The following DCLRE1C variants were observed in gnomAD, a reference collection of about 807,000 sequenced individuals.
The protein encoded by DCLRE1C is DNA cross-link repair 1C.
A neutral mutation model predicts 61.4 loss-of-function variants in DCLRE1C; 47 were observed. That is an observed-to-expected ratio of 0.77 (90% confidence interval 0.61 to 0.98). DCLRE1C has a LOEUF of 0.98. DCLRE1C is among the 50% of genes least tolerant of loss of function. The pLI, the probability that DCLRE1C is intolerant of heterozygous loss-of-function variation, is 0.00. For synonymous variants in DCLRE1C, 337 were observed against 287.6 expected (o/e 1.17, Z -1.74); for missense variants, 858 against 816.0 (o/e 1.05, Z -0.63).
intron 5 of DCLRE1C, among the ~76,000 whole-genome samples, chr10:14,935,814 A>G (rs888551110): frequency 5.3e-5 from 8 of 152,196 alleles, no homozygotes; most frequent in Non-Finnish European, 1.0e-4. Flanking sequence ...AGCACTTTCA[A>G]TTATATGTTG....
At chr10:14,924,965 T>C (rs1263962361) in intron 11 of DCLRE1C, among the ~76,000 whole-genome samples, 7 of 152,022 alleles carry the variant, frequency 4.6e-5, no homozygotes, top group Non-Finnish European at 7.4e-5. Context: ...GAACCCAATG[T>C]AATTATTAGT....
chr10:14,897,953 A>G (rs1212800200), exon 14 of DCLRE1C: 1 of 152,384 alleles, frequency 6.6e-6, no homozygotes, highest in Non-Finnish European at 1.5e-5. Flanking sequence ...GAAAGATACT[A>G]TATTTATGAG....
At position 14,904,906 on chromosome 10, in the gene DCLRE1C, T is replaced by C. The variant is rs1428219700; in HGVS notation, c.*3502A>G. Among the ~76,000 whole-genome samples the C allele has an allele frequency of 6.6e-6, 1 of 152,236 alleles. No individual in the cohort carries two copies. Among genetic ancestry groups the C allele is most frequent in the Non-Finnish European group, 1.5e-5 (1 of 68,032 alleles). The stretch of plus-strand genomic sequence containing the variant: ...GATACCATCATTTTCAGGATCTACA[T>C]TAAGAGGATGGTGATACATAATTAG... On this transcript the variant is annotated 3_prime_UTR_variant, in exon 14 of 14. Transcript: ENST00000378278.
At chr10:14,918,551 G>A (rs1406890818) in intron 13 of DCLRE1C, among the ~76,000 whole-genome samples, 2 of 150,618 alleles carry the variant, frequency 1.3e-5, no homozygotes, top group Non-Finnish European at 1.5e-5. Context: ...TCAAGTATAT[G>A]CATATACAAA....
intron 11 of DCLRE1C, among the ~76,000 whole-genome samples, chr10:14,924,882 A>G (rs1325455515): frequency 6.6e-6 from 1 of 152,006 alleles, no homozygotes; most frequent in Admixed American, 6.6e-5. Flanking sequence ...AAAATTAAAA[A>G]AAAAATCATC....
At chr10:14,915,903 A>C (rs915930505) in intron 13 of DCLRE1C, among the ~76,000 whole-genome samples, 2 of 152,222 alleles carry the variant, frequency 1.3e-5, no homozygotes, top group Non-Finnish European at 2.9e-5. Flanking sequence ...AAAAAGGATA[A>C]TATGCCATGA....
rs1833838316 is a variant in DCLRE1C at position 14,899,419 on chromosome 10, A to G, written c.1157-107T>C. 6 of 1,070,204 alleles carry G rather than the reference A, an allele frequency of 5.6e-6. No homozygotes were observed. The Admixed American group carries it at 1.4e-4, about 25-fold the overall frequency. 66.3% of individuals were successfully genotyped at this position (1,070,204 alleles called of 1,614,324 possible). A position where few individuals can be genotyped will look rare whatever the true frequency, so the allele number is the denominator to read the frequency against. On this transcript the variant is annotated intron_variant, in intron 13 of 13. Coordinates refer to the DCLRE1C transcript ENST00000378289. ...TTAGTTTGTGTGAATGTTTGCTTTG[A>G]TGACACCTGAATTTCTTACTTTTTA...
intron 1 of DCLRE1C, among the ~76,000 whole-genome samples, chr10:14,951,392 A>T (rs1842442066): frequency 8.0e-5 from 3 of 37,436 alleles, no homozygotes; most frequent in African/African-American, 4.0e-4. Flanking sequence ...CCTGTCTCAA[A>T]AAAAAAAAAA....
At chr10:14,929,125 C>T (rs968441876) in intron 9 of DCLRE1C, among the ~76,000 whole-genome samples, 2 of 152,114 alleles carry the variant, frequency 1.3e-5, no homozygotes, top group African/African-American at 4.8e-5. Context: ...GTTTTCAGGG[C>T]CGGTTGTGGT....
In DCLRE1C at chr10:14,905,367, G is replaced by C. The variant is rs978356135; in HGVS notation, c.*3041C>G. ...CTCACCAGGTACGTAAACATACTAT[G>C]GTAAGTACTGCCTAGAAATGCAAAG... On this transcript the variant is annotated 3_prime_UTR_variant, in exon 14 of 14. Coordinates refer to ENST00000378278, the MANE Select transcript of DCLRE1C (RefSeq NM_001033855.3). Among the ~76,000 whole-genome samples, 1 of 152,176 alleles carries C rather than the reference G, an allele frequency of 6.6e-6. No individual in the cohort carries two copies. Among genetic ancestry groups the C allele is most frequent in the Non-Finnish European group, 1.5e-5 (1 of 68,036 alleles).
chr10:14,948,551 AAAGTT>A (rs1258356100), intron 2 of DCLRE1C, among the ~76,000 whole-genome samples: 2 of 152,260 alleles, frequency 1.3e-5, no homozygotes, highest in East Asian at 3.9e-4. Flanking sequence ...ACACAAATAC[AAAGTT>A]AAGTAAAGTA....
downstream of DCLRE1C, chr10:14,903,488 A>T (rs1834157110): frequency 6.6e-6 from 1 of 152,208 alleles, no homozygotes; most frequent in Admixed American, 6.5e-5. Flanking sequence ...TAATATTTTT[A>T]TACTTCCTGC....
Position 14,908,304 on chromosome 10 carries a change from T to G in DCLRE1C, c.*104A>C. 1 of 975,288 alleles carries G rather than the reference T, an allele frequency of 1.0e-6. No homozygotes were observed. Among genetic ancestry groups the G allele is most frequent in the Non-Finnish European group, 1.6e-6 (1 of 630,288 alleles). 60.4% of individuals were successfully genotyped at this position (975,288 alleles called of 1,614,324 possible). A position where few individuals can be genotyped will look rare whatever the true frequency, so the allele number is the denominator to read the frequency against. The stretch of plus-strand genomic sequence containing the variant: ...GTGTGAGCCACCACACCCAACCAGG[T>G]TATTTGAACATTTTTAAGTACTGTA... On this transcript the variant is annotated 3_prime_UTR_variant, in exon 14 of 14. Transcript: ENST00000378278.
At chr10:14,927,443 C>A (rs980528533) in intron 10 of DCLRE1C, among the ~76,000 whole-genome samples, 6 of 151,056 alleles carry the variant, frequency 4.0e-5, no homozygotes, top group African/African-American at 9.7e-5. Context: ...ATATTCTGAA[C>A]AGCCAAAGTT....
intron 13 of DCLRE1C, among the ~76,000 whole-genome samples, chr10:14,911,720 G>A (rs1443038899): frequency 6.6e-6 from 1 of 152,186 alleles, no homozygotes; most frequent in South Asian, 2.1e-4. Context: ...ATAAAGGACT[G>A]ATACCAGACT....
chr10:14,919,188 G>A (rs1301786352), intron 13 of DCLRE1C, among the ~76,000 whole-genome samples: 3 of 152,170 alleles, frequency 2.0e-5, no homozygotes, highest in Admixed American at 2.0e-4. Context: ...AAGCCCCAGA[G>A]CTTTGCTCAG....
intron 2 of DCLRE1C, among the ~76,000 whole-genome samples, chr10:14,948,769 A>ATT (rs397846961): frequency 2.0e-4 from 25 of 123,156 alleles, no homozygotes; most frequent in Admixed American, 1.0e-3. Flanking sequence ...ATTTGGTAGG[A>ATT]TTATATATAT....
intron 10 of DCLRE1C, among the ~76,000 whole-genome samples, chr10:14,927,120 G>A (rs947828451): frequency 1.3e-5 from 2 of 152,116 alleles, no homozygotes; most frequent in Non-Finnish European, 2.9e-5. Flanking sequence ...GGTGGCTCAC[G>A]CCTATAATCC....
At chr10:14,922,297 C>T (rs910330370) in intron 12 of DCLRE1C, among the ~76,000 whole-genome samples, 14 of 151,932 alleles carry the variant, frequency 9.2e-5, no homozygotes, top group African/African-American at 2.4e-4. Context: ...AAAAATTAGC[C>T]GGGCATGATG....
Sources: gnomAD v4.1 joint callset for allele counts (sites outside exome capture counted in the v4.1 genomes callset) on GRCh38, gnomAD v4.1.1 for gene constraint, MANE v1.5 for transcripts, NCBI Gene and HGNC (gene_info 2026-07-23, HGNC 2026-07-21) for gene names.